CSF3R: variants seen among roughly 807,000 people sequenced by gnomAD.
The protein encoded by CSF3R is colony stimulating factor 3 receptor, also known as granulocyte colony-stimulating factor receptor.
CSF3R carries 52 observed loss-of-function variants against 84.4 expected under a neutral mutation model. That is an observed-to-expected ratio of 0.62 (90% CI 0.49 to 0.78). The LOEUF is 0.78. CSF3R is among the 30% of genes least tolerant of loss of function. CSF3R has a pLI of 0.00. For synonymous variants in CSF3R, 384 were observed against 429.1 expected, an observed-to-expected ratio of 0.89 and a Z score of 1.30; for missense variants, 890 against 1,055.7, an observed-to-expected ratio of 0.84 and a Z score of 2.17.
chr1:36,468,207 G>A lies in CSF3R; in HGVS notation c.1591C>T (p.Pro531Ser), dbSNP rs1650470936. ...YSQEMAPSHA[P>S]ELHLKHIGKT... ...CCAATGTGCTTTAGATGCAGCTCTG[G>A]GGCATGGGAGGGAGCTATGGGAAGA... Residue 531 changes from proline (P) to serine (S), a missense_variant, in exon 13 of 17, where the codon CCA (proline) becomes TCA (serine). Transcript: ENST00000373106. 2 of 1,593,076 alleles carry A rather than the reference G, an allele frequency of 1.3e-6. No individual in the cohort carries two copies. The highest frequency in any genetic ancestry group is 1.7e-6 in the Non-Finnish European group (2 of 1,168,902).
intron 4 of CSF3R, 56 bp downstream of exon 4, chr1:36,475,321 T>C: frequency 5.6e-6 from 9 of 1,600,022 alleles, no homozygotes; most frequent in Non-Finnish European, 7.7e-6. Context: ...ATATTCTTAT[T>C]AGTATTGGCA....
In CSF3R at chr1:36,472,620, C is replaced by G. The variant is rs2124124245; in HGVS notation, c.740G>C (p.Gly247Ala). 6.2e-7 allele frequency: 1 copy of G among 1,612,596 alleles called. No homozygotes were observed. ...PSPEAAPPQA[G>A]CLQLCWEPWQ... ...TGGCTCCCAGCACAGCTGTAGGCAGCCTGCCTGGGGAGGGGCCGCTTCAGG... is the reference window on the plus strand; with the variant it reads ...TGGCTCCCAGCACAGCTGTAGGCAGGCTGCCTGGGGAGGGGCCGCTTCAGG... The change falls in exon 7 of 17, where the codon GGC becomes GCC. Residue 247 changes from glycine to alanine, a missense_variant. Gly to Ala is a moderately conservative substitution (Grantham distance 60, BLOSUM62 0). Transcript: ENST00000373106. The surrounding 1 kb of genome is among the most constrained non-coding windows in gnomAD (Gnocchi z 5.0).
At chr1:36,474,785 G>A (rs1454671254) in intron 4 of CSF3R, among the ~76,000 whole-genome samples, 1 of 152,068 alleles carries the variant, frequency 6.6e-6, no homozygotes, top group African/African-American at 2.4e-5. Context: ...CTGAGGACTT[G>A]GGCTATGTAG....
At chr1:36,474,390 CTT>C (rs911099378) in intron 4 of CSF3R, among the ~76,000 whole-genome samples, 3,167 of 85,650 alleles carry the variant, frequency 0.037, 29 homozygotes, top group African/African-American at 0.13. Flanking sequence ...ATTACTGGTG[CTT>C]TTTTTTTTTT....
Position 36,471,558 on chromosome 1 carries a change from A to G in CSF3R, c.1160T>C (p.Leu387Pro). The change falls in exon 10 of 17, where the codon CTC (leucine) becomes CCC (proline). Residue 387 changes from leucine to proline, a missense_variant. Coordinates refer to ENST00000373106, the MANE Select transcript of CSF3R (RefSeq NM_000760.4). ...PSGQAGAILP[L>P]CNTTELSCTF... ...GCAGCTGAGCTCTGTGGTGTTGCAG[A>G]GGGGCAGGATGGCCCCAGCCTGGCC... 6.2e-7 allele frequency: 1 copy of G among 1,614,236 alleles called. No homozygotes were observed. Among genetic ancestry groups the G allele is most frequent in the Non-Finnish European group, 8.5e-7 (1 of 1,180,034 alleles).
rs779333065 is a variant in CSF3R, at chr1:36,467,774, G to C, written c.1864+48C>G. ...TCTCAAAATCAGCATCCTTTGGGTGGGGTACCCTCCAAACAGCCATCTCTG... is the reference window on the plus strand; with the variant it reads ...TCTCAAAATCAGCATCCTTTGGGTGCGGTACCCTCCAAACAGCCATCTCTG... On this transcript the variant is annotated intron_variant, in intron 14 of 16. Coordinates refer to ENST00000373106, the MANE Select transcript of CSF3R (RefSeq NM_000760.4). This position sits in a 1 kb window ranked among gnomAD's most constrained non-coding sequence, Gnocchi z 4.1. 4.3e-6 allele frequency: 7 copies of C among 1,614,086 alleles called. 1 individual carries two copies. The South Asian group carries it at 7.7e-5, about 18-fold the overall frequency.
At chr1:36,469,615 G>T (rs755985922) in intron 11 of CSF3R, 37 bp downstream of exon 11, 7 of 1,611,768 alleles carry the variant, frequency 4.3e-6, no homozygotes, top group Non-Finnish European at 5.9e-6. Flanking sequence ...GCCTCCCTTT[G>T]TCCCTGGCCC....
chr1:36,473,422 C>T lies in CSF3R; in HGVS notation c.673+13G>A. ...CCATTTTGGGGATCCCCTCCCTCCC[C>T]TGCATCACCCACCAACATCCATGGG... On this transcript the variant is annotated intron_variant, in intron 6 of 16. Coordinates refer to ENST00000373106, the MANE Select transcript of CSF3R (RefSeq NM_000760.4). The T allele has an allele frequency of 6.2e-7, 1 of 1,613,310 alleles. No homozygotes were observed. Among genetic ancestry groups the T allele is most frequent in the Non-Finnish European group, 8.5e-7 (1 of 1,179,786 alleles).
Position 36,467,124 on chromosome 1 carries a change from G to T in CSF3R, c.2040+106C>A, listed in dbSNP as rs1650373036. On this transcript the variant is annotated intron_variant, in intron 16 of 16. Coordinates refer to ENST00000373106, the MANE Select transcript of CSF3R (RefSeq NM_000760.4). This position sits in a 1 kb window ranked among gnomAD's most constrained non-coding sequence, Gnocchi z 4.1. ...CTTCAGTCCAAAGGGACGAGATGTT[G>T]CCGGAAGTGACAGGAAGGCCTGAGT... 22 of 1,361,760 alleles carry T rather than the reference G, an allele frequency of 1.6e-5. No individual in the cohort carries two copies. In the South Asian group the frequency reaches 2.6e-4, roughly 16 times the overall value. The allele number at this position is 1,361,760 out of a possible 1,614,324, so 84.4% of individuals were successfully genotyped here.
At chr1:36,476,762 G>T (rs1651181694) in intron 3 of CSF3R, among the ~76,000 whole-genome samples, 1 of 151,940 alleles carries the variant, frequency 6.6e-6, no homozygotes, top group Non-Finnish European at 1.5e-5. Flanking sequence ...CTAGGCTCAA[G>T]TGATCTTCCC....
At chr1:36,468,536 A>G (rs991493457) in intron 12 of CSF3R, 1 of 257,686 alleles carries the variant, frequency 3.9e-6, no homozygotes, top group African/African-American at 2.2e-5. Flanking sequence ...CCTCTGTCCA[A>G]TTTCTTTTTG....
At chr1:36,481,163 C>CCCAG (rs1651495583) in intron 2 of CSF3R, among the ~76,000 whole-genome samples, 4 of 152,168 alleles carry the variant, frequency 2.6e-5, no homozygotes, top group Admixed American at 2.6e-4. Flanking sequence ...AGCCCTGTTG[C>CCCAG]CCTAGCCAGG....
intron 1 of CSF3R, among the ~76,000 whole-genome samples, chr1:36,482,227 C>T (rs1478269786): frequency 1.3e-5 from 2 of 150,188 alleles, no homozygotes; most frequent in African/African-American, 5.0e-5. Context: ...GAGAGACTCG[C>T]CAAGAGGACG....
In CSF3R at chr1:36,472,539, C is replaced by T. The variant is rs559297734; in HGVS notation, c.821G>A (p.Arg274His). Residue 274 changes from arginine (R) to histidine (H), a missense_variant, in exon 7 of 17, where the codon CGT (arginine) becomes CAT (histidine). By Grantham distance (29) the Arg-to-His change is conservative. Coordinates refer to ENST00000373106, the MANE Select transcript of CSF3R (RefSeq NM_000760.4). This position sits in a 1 kb window ranked among gnomAD's most constrained non-coding sequence, Gnocchi z 5.0. ...QKCELRHKPQ[R>H]GEASWALVGP... ...CACCAGTGCCCAGCTGGCTTCTCCACGCTGCGGCTTGTGGCGCAGCTCACA... is the reference window on the plus strand; with the variant it reads ...CACCAGTGCCCAGCTGGCTTCTCCATGCTGCGGCTTGTGGCGCAGCTCACA... 2.1e-5 allele frequency: 34 copies of T among 1,614,198 alleles called. No homozygotes were observed. Among genetic ancestry groups the T allele is most frequent in the South Asian group, 1.9e-4 (17 of 91,092 alleles).
At chr1:36,469,343 G>GGTTAGCCCTCA in intron 11 of CSF3R, 86 bp from the exon 12 acceptor site, 1 of 1,036,858 alleles carries the variant, frequency 9.6e-7, no homozygotes, top group Non-Finnish European at 1.5e-6. Flanking sequence ...TCTAGTGAGG[G>GGTTAGCCCTCA]CTAACCTGGC....
intron 6 of CSF3R, chr1:36,473,132 A>G (rs887871972): frequency 1.4e-5 from 6 of 434,710 alleles, no homozygotes; most frequent in Non-Finnish European, 2.5e-5. Flanking sequence ...TTCTGAGGGC[A>G]TTTTTGATGC....
chr1:36,467,053 A>C lies in CSF3R; in HGVS notation c.2040+177T>G, dbSNP rs1270605497. The C allele has an allele frequency of 1.6e-6, 2 of 1,276,772 alleles. No individual in the cohort carries two copies. The highest frequency in any genetic ancestry group is 2.2e-6 in the Non-Finnish European group (2 of 901,064). 79.1% of individuals were successfully genotyped at this position (1,276,772 alleles called of 1,614,324 possible). A position where few individuals can be genotyped will look rare whatever the true frequency, so the allele number is the denominator to read the frequency against. On this transcript the variant is annotated intron_variant, in intron 16 of 16. Transcript: ENST00000373106. This position sits in a 1 kb window ranked among gnomAD's most constrained non-coding sequence, Gnocchi z 4.1. ...AGTTTTTCCATATCACAGGGAGGTG[A>C]CTGAGGCTTTGAGATGGACAGAGGT...
rs1450849874 is a variant in CSF3R, at chr1:36,471,882, GA to G, written c.1071+183del. On this transcript the variant is annotated intron_variant, in intron 9 of 16. Coordinates refer to ENST00000373106, the MANE Select transcript of CSF3R (RefSeq NM_000760.4). ...TTAACTATTCACTGAACCACACTGT[GA>G]CGTGCGTTACAGTCTGTCCAAAAGC... 1.1e-5 allele frequency: 8 copies of G among 702,486 alleles called. No homozygotes were observed. In the African/African-American group the frequency reaches 1.4e-4, roughly 12 times the overall value. The allele number at this position is 702,486 out of a possible 1,614,324, so 43.5% of individuals were successfully genotyped here.
chr1:36,471,111 T>C (rs1044384037), intron 10 of CSF3R, among the ~76,000 whole-genome samples: 9 of 152,104 alleles, frequency 5.9e-5, no homozygotes, highest in African/African-American at 2.2e-4. Flanking sequence ...AATGGCGTGA[T>C]CTCAGCTTGC....
Sources: gnomAD v4.1 joint callset for allele counts (sites outside exome capture counted in the v4.1 genomes callset) on GRCh38, gnomAD v4.1.1 for gene constraint, Gnocchi (gnomAD v3.1) non-coding constraint, MANE v1.5 for transcripts, NCBI Gene and HGNC (gene_info 2026-07-23, HGNC 2026-07-21) for gene names.